The following PACRG variants were observed in gnomAD, a reference collection of about 807,000 sequenced individuals.
The protein encoded by PACRG is parkin coregulated gene protein.
Under a neutral mutation model 29.7 loss-of-function variants are expected in PACRG, and 29 were observed. The ratio of observed to expected loss-of-function variants is 0.98; its 90% confidence interval spans 0.73 to 1.33. The LOEUF (loss-of-function observed/expected upper bound fraction) is 1.33, where lower values mean the gene tolerates loss of function less well. Among genes scored for constraint, PACRG ranks in the 40% most tolerant of loss-of-function variants. PACRG has a pLI of 0.00. For synonymous variants in PACRG, 116 were observed against 118.7 expected (o/e 0.98, Z 0.15); for missense variants, 279 against 316.2 (o/e 0.88, Z 0.89).
intron 2 of PACRG, among the ~76,000 whole-genome samples, chr6:162,837,687 T>C (rs1342998358): frequency 1.3e-5 from 2 of 152,106 alleles, no homozygotes; most frequent in African/African-American, 4.8e-5. Flanking sequence ...CAACAAATTT[T>C]AGAAAGGAAA....
chr6:162,946,510 C>G (rs1209492367), intron 2 of PACRG, among the ~76,000 whole-genome samples: 1 of 151,948 alleles, frequency 6.6e-6, no homozygotes, highest in African/African-American at 2.4e-5. Flanking sequence ...AGTCTCCCAA[C>G]AAAGCAAAGT....
chr6:163,216,304 A>G (rs1158007901), intron 4 of PACRG, among the ~76,000 whole-genome samples: 1 of 152,160 alleles, frequency 6.6e-6, no homozygotes, highest in Non-Finnish European at 1.5e-5. Context: ...ACCAAGGGCA[A>G]GGGCTGGAAA....
At chr6:163,010,800 T>C (rs1323347788) in intron 2 of PACRG, among the ~76,000 whole-genome samples, 1 of 152,156 alleles carries the variant, frequency 6.6e-6, no homozygotes, top group African/African-American at 2.4e-5. Context: ...TATAAAGGTG[T>C]GTTCTCCTGG....
At chr6:162,952,969 T>C (rs1799760808) in intron 2 of PACRG, among the ~76,000 whole-genome samples, 1 of 152,226 alleles carries the variant, frequency 6.6e-6, no homozygotes, top group Admixed American at 6.5e-5. Context: ...AATATCTGTA[T>C]TTCAAATATA....
At chr6:162,923,350 C>G (rs953756697) in intron 2 of PACRG, among the ~76,000 whole-genome samples, 3 of 152,036 alleles carry the variant, frequency 2.0e-5, no homozygotes, top group African/African-American at 4.8e-5. Flanking sequence ...TTGACTGCCT[C>G]TTTAGTTTGA....
chr6:162,931,796 T>C (rs1485341268), intron 2 of PACRG, among the ~76,000 whole-genome samples: 1 of 152,030 alleles, frequency 6.6e-6, no homozygotes, highest in African/African-American at 2.4e-5. Context: ...GGAGCATTCA[T>C]CCACTGTTGA....
chr6:162,995,872 T>G (rs1189393381), intron 2 of PACRG, among the ~76,000 whole-genome samples: 2 of 152,250 alleles, frequency 1.3e-5, no homozygotes, highest in African/African-American at 4.8e-5. Context: ...ATATCTTGGC[T>G]ATTGTGAATA....
At chr6:163,138,218 G>A (rs1817015405) in intron 4 of PACRG, among the ~76,000 whole-genome samples, 1 of 152,172 alleles carries the variant, frequency 6.6e-6, no homozygotes, top group Admixed American at 6.5e-5. Context: ...ATGTTGTTTT[G>A]TTTAACACCT....
At chr6:163,270,110 G>A (rs1028279963) in intron 4 of PACRG, among the ~76,000 whole-genome samples, 2 of 149,878 alleles carry the variant, frequency 1.3e-5, no homozygotes, top group African/African-American at 5.1e-5. Flanking sequence ...AATTAAAAAT[G>A]TGTGGCCCCA....
intron 4 of PACRG, among the ~76,000 whole-genome samples, chr6:163,303,884 C>T (rs892667404): frequency 1.3e-5 from 2 of 151,604 alleles, no homozygotes; most frequent in East Asian, 2.0e-4. Flanking sequence ...GGCATGGTGG[C>T]GGGCGCCTGT....
chr6:163,023,200 ATGGG>A (rs1251179303), intron 2 of PACRG, among the ~76,000 whole-genome samples: 1 of 152,154 alleles, frequency 6.6e-6, no homozygotes, highest in Non-Finnish European at 1.5e-5. Flanking sequence ...ATAATACCCG[ATGGG>A]TAGTTTTTTA....
chr6:163,181,154 A>C (rs1230709369), intron 4 of PACRG, among the ~76,000 whole-genome samples: 1 of 152,174 alleles, frequency 6.6e-6, no homozygotes, highest in Non-Finnish European at 1.5e-5. Flanking sequence ...CACATTGATA[A>C]CTATCGCTGG....
At chr6:162,773,465 T>A (rs1783378407) in intron 1 of PACRG, among the ~76,000 whole-genome samples, 1 of 150,408 alleles carries the variant, frequency 6.6e-6, no homozygotes, top group South Asian at 2.1e-4. Flanking sequence ...AAATATAAAT[T>A]TAGATATTTG....
chr6:163,113,543 C>G (rs1243610974), intron 4 of PACRG, among the ~76,000 whole-genome samples: 1 of 152,182 alleles, frequency 6.6e-6, no homozygotes, highest in Admixed American at 6.5e-5. Flanking sequence ...AGATTAACAA[C>G]TGACTTCTCA....
intron 2 of PACRG, among the ~76,000 whole-genome samples, chr6:162,862,019 T>A (rs1257891010): frequency 6.6e-6 from 1 of 152,166 alleles, no homozygotes; most frequent in Non-Finnish European, 1.5e-5. Flanking sequence ...CATTTCTGTG[T>A]CAGCTGAGAT....
chr6:163,133,916 C>A (rs1440272339), intron 4 of PACRG, among the ~76,000 whole-genome samples: 1 of 152,188 alleles, frequency 6.6e-6, no homozygotes, highest in Non-Finnish European at 1.5e-5. Flanking sequence ...CAGGGTCTAA[C>A]TCATACGTGC....
intron 2 of PACRG, among the ~76,000 whole-genome samples, chr6:162,924,843 G>A (rs1264212217): frequency 2.6e-5 from 4 of 151,852 alleles, no homozygotes; most frequent in African/African-American, 7.3e-5. Context: ...ATAGAGATAC[G>A]AAAAGTCCTT....
intron 2 of PACRG, among the ~76,000 whole-genome samples, chr6:163,036,809 T>G (rs1808228647): frequency 6.6e-6 from 1 of 152,076 alleles, no homozygotes; most frequent in African/African-American, 2.4e-5. Flanking sequence ...GCAATTTATT[T>G]ACTCTTTTAT....
chr6:163,076,942 C>T (rs2498496), intron 3 of PACRG, among the ~76,000 whole-genome samples: 1 of 152,172 alleles, frequency 6.6e-6, no homozygotes, highest in South Asian at 2.1e-4. Flanking sequence ...ATCCCCACAG[C>T]ATCTAATGTC....
Sources: gnomAD v4.1 joint callset for allele counts (sites outside exome capture counted in the v4.1 genomes callset) on GRCh38, gnomAD v4.1.1 for gene constraint, MANE v1.5 for transcripts, NCBI Gene and HGNC (gene_info 2026-07-23, HGNC 2026-07-21) for gene names.